TMEM71: variants seen among roughly 807,000 people sequenced by gnomAD.
TMEM71 encodes the protein transmembrane protein 71.
In TMEM71, 44 loss-of-function variants were observed where a neutral mutation model predicts 38.0. The observed-to-expected ratio is 1.16, with a 90% CI of 0.91 to 1.49. TMEM71 has a LOEUF of 1.49. TMEM71 is among the 40% of genes most tolerant of loss of function. TMEM71 has a pLI of 0.00. For missense variants in TMEM71, 367 were observed against 348.6 expected (o/e 1.05, Z -0.42); for synonymous variants, 133 against 122.5 (o/e 1.09, Z -0.56).
intron 3 of TMEM71, among the ~76,000 whole-genome samples, chr8:132,756,672 T>C (rs1363628317): frequency 1.3e-5 from 2 of 151,200 alleles, no homozygotes; most frequent in African/African-American, 2.4e-5. Flanking sequence ...CTGCAACCTC[T>C]GCCTCCCAGG....
chr8:132,746,755 A>G (rs986257159), intron 5 of TMEM71, among the ~76,000 whole-genome samples, 187 bp downstream of exon 5: 1 of 152,154 alleles, frequency 6.6e-6, no homozygotes, highest in Non-Finnish European at 1.5e-5. Context: ...TTTGCATGAC[A>G]TAGACACATA....
upstream of TMEM71, among the ~76,000 whole-genome samples, chr8:132,764,989 G>T (rs1381358840): frequency 6.6e-6 from 1 of 152,170 alleles, no homozygotes; most frequent in Non-Finnish European, 1.5e-5. Flanking sequence ...GGAGATATAT[G>T]GGCCAAAGCC....
At chr8:132,765,625 C>G (rs933983724), upstream of TMEM71, among the ~76,000 whole-genome samples, 8 of 152,028 alleles carry the variant, frequency 5.3e-5, no homozygotes, top group African/African-American at 1.7e-4. Flanking sequence ...GGCTCAGCAC[C>G]CCTCCTAAGA....
At chr8:132,729,429 T>C (rs1159481167) in intron 5 of TMEM71, among the ~76,000 whole-genome samples, 1 of 152,202 alleles carries the variant, frequency 6.6e-6, no homozygotes, top group African/African-American at 2.4e-5. Context: ...ACTTTACTCT[T>C]ATGATCTTGG....
At chr8:132,715,400 A>T (rs1171694232) in intron 7 of TMEM71, among the ~76,000 whole-genome samples, 1 of 124,286 alleles carries the variant, frequency 8.0e-6, no homozygotes, top group Non-Finnish European at 1.6e-5. Flanking sequence ...ACAGAGCAAG[A>T]CTCCGTCTCA....
chr8:132,727,652 G>T, intron 6 of TMEM71, 146 bp downstream of exon 6: 3 of 625,776 alleles, frequency 4.8e-6, no homozygotes, highest in Non-Finnish European at 8.2e-6. Flanking sequence ...GGGTCACCTG[G>T]GCTTTGGCAG....
chr8:132,737,999 TTGTC>T (rs1166165747), intron 5 of TMEM71, among the ~76,000 whole-genome samples: 2 of 152,174 alleles, frequency 1.3e-5, no homozygotes, highest in Non-Finnish European at 2.9e-5. Context: ...ATACAATTCA[TTGTC>T]TGTTTTGATG....
chr8:132,717,546 A>C (rs1022806798), intron 7 of TMEM71, among the ~76,000 whole-genome samples: 6 of 152,232 alleles, frequency 3.9e-5, no homozygotes, highest in Non-Finnish European at 7.3e-5. Flanking sequence ...GTGAGATATC[A>C]CACCACACCC....
At chr8:132,756,432 T>TA (rs969864940) in intron 3 of TMEM71, among the ~76,000 whole-genome samples, 13 of 144,732 alleles carry the variant, frequency 9.0e-5, no homozygotes, top group Non-Finnish European at 1.7e-4. Context: ...TATATATATA[T>TA]ATATATATAT....
chr8:132,725,440 G>A (rs10109445), intron 6 of TMEM71, among the ~76,000 whole-genome samples: 1 of 152,210 alleles, frequency 6.6e-6, no homozygotes, highest in African/African-American at 2.4e-5. Context: ...ACAAAAGACA[G>A]AGAATGCCAG....
At chr8:132,761,351 A>G (rs893537760), upstream of TMEM71, among the ~76,000 whole-genome samples, 2 of 152,222 alleles carry the variant, frequency 1.3e-5, no homozygotes, top group African/African-American at 4.8e-5. Flanking sequence ...AAACATAAAA[A>G]TATATATGTC....
At chr8:132,775,759 C>G in the TMEM71 span, 44 of 261,134 alleles carry the variant, frequency 1.7e-4, no homozygotes, top group African/African-American at 8.1e-4. Context: ...CCTCCCTCCC[C>G]GTAACTCGCC....
chr8:132,715,065 G>T (rs551081090), intron 7 of TMEM71, among the ~76,000 whole-genome samples: 11 of 152,146 alleles, frequency 7.2e-5, no homozygotes, highest in Non-Finnish European at 1.3e-4. Flanking sequence ...AATACAAAAT[G>T]CTGGGAGGAT....
chr8:132,722,211 A>G, intron 6 of TMEM71, 96 bp from the exon 7 acceptor site: 1 of 766,848 alleles, frequency 1.3e-6, no homozygotes, highest in East Asian at 2.8e-5. Context: ...GTACCCACCA[A>G]AAAAAAAAAA....
chr8:132,720,802 C>A (rs1484584101), intron 7 of TMEM71, among the ~76,000 whole-genome samples: 2 of 152,150 alleles, frequency 1.3e-5, no homozygotes, highest in African/African-American at 4.8e-5. Context: ...ACCATAAAGA[C>A]CCCTGGACTG....
intron 7 of TMEM71, among the ~76,000 whole-genome samples, chr8:132,719,190 C>A (rs934640749): frequency 2.0e-5 from 3 of 152,148 alleles, no homozygotes; most frequent in African/African-American, 7.2e-5. Context: ...TCAGTATATA[C>A]CCTCGGAATT....
chr8:132,758,680 A>T, intron 2 of TMEM71, 160 bp downstream of exon 2: 1 of 612,144 alleles, frequency 1.6e-6, no homozygotes. Flanking sequence ...AAAAAAATGA[A>T]GTTAAAATCA....
At chr8:132,764,714 C>T (rs1018032037), upstream of TMEM71, among the ~76,000 whole-genome samples, 3 of 152,212 alleles carry the variant, frequency 2.0e-5, no homozygotes, top group Admixed American at 2.0e-4. Flanking sequence ...CTCTGACCCT[C>T]CCAGACCAGG....
intron 3 of TMEM71, among the ~76,000 whole-genome samples, chr8:132,753,801 A>T (rs1305205826): frequency 2.0e-5 from 3 of 152,196 alleles, no homozygotes; most frequent in Admixed American, 6.5e-5. Context: ...CTTAATAATT[A>T]AATAATGAAA....
Sources: allele counts gnomAD v4.1 joint callset (sites outside exome capture counted in the v4.1 genomes callset), GRCh38; gene constraint gnomAD v4.1.1; transcripts MANE v1.5; gene names NCBI Gene and HGNC (gene_info 2026-07-23, HGNC 2026-07-21).